Variants in ADAMTS19 observed in about 807,000 individuals in gnomAD.
The protein encoded by ADAMTS19 is A disintegrin and metalloproteinase with thrombospondin motifs 19.
ADAMTS19 carries 93 observed loss-of-function variants against 153.3 expected under a neutral mutation model. The ratio of observed to expected loss-of-function variants is 0.61; its 90% CI spans 0.51 to 0.72. ADAMTS19 has a LOEUF of 0.72. ADAMTS19 is among the 30% of genes least tolerant of loss of function. The pLI, the probability that ADAMTS19 is intolerant of heterozygous loss-of-function variation, is 0.00. For synonymous variants in ADAMTS19, 600 were observed against 556.6 expected, an observed-to-expected ratio of 1.08 and a Z score of -1.10; for missense variants, 1,482 against 1,552.1, an observed-to-expected ratio of 0.95 and a Z score of 0.76.
chr5:129,649,576 G>A (rs945437097), intron 13 of ADAMTS19, among the ~76,000 whole-genome samples: 17 of 152,240 alleles, frequency 1.1e-4, no homozygotes, highest in Middle Eastern at 3.4e-3. Flanking sequence ...GGTGGGGAGA[G>A]GGATGGGTAT....
chr5:129,541,131 T>C (rs944188220), intron 6 of ADAMTS19, among the ~76,000 whole-genome samples: 1 of 152,084 alleles, frequency 6.6e-6, no homozygotes, highest in Non-Finnish European at 1.5e-5. Context: ...TTTTCAATTT[T>C]AGTGAGAGGT....
intron 7 of ADAMTS19, among the ~76,000 whole-genome samples, chr5:129,567,318 A>G (rs1008085509): frequency 1.3e-5 from 2 of 152,188 alleles, no homozygotes; most frequent in Admixed American, 6.5e-5. Flanking sequence ...ATTCAAAATT[A>G]TTTTACATAT....
intron 21 of ADAMTS19, among the ~76,000 whole-genome samples, chr5:129,732,329 A>T (rs191620072): frequency 6.6e-4 from 101 of 152,238 alleles, no homozygotes; most frequent in African/African-American, 2.4e-3. Flanking sequence ...TGGCCAGAGC[A>T]ATCAGGCAAG....
intron 7 of ADAMTS19, among the ~76,000 whole-genome samples, chr5:129,576,796 T>C (rs908634581): frequency 6.6e-6 from 1 of 152,138 alleles, no homozygotes; most frequent in Non-Finnish European, 1.5e-5. Context: ...TGGCCAACCA[T>C]GCAGTTGGCG....
In ADAMTS19 at chr5:129,550,058, GTA is replaced by G. The variant is rs1374481141; in HGVS notation, c.1329-1804_1329-1803del. 1.1e-3 allele frequency among the ~76,000 whole-genome samples: 77 copies of G among 71,344 alleles called. 4 individuals are homozygous for G. The highest frequency in any genetic ancestry group is 3.7e-3 in the African/African-American group (74 of 19,746). The allele number at this position is 71,344 out of a possible 152,430, so 46.8% of individuals were successfully genotyped here. On this transcript the variant is annotated intron_variant, in intron 6 of 22. Transcript: ENST00000274487. The stretch of plus-strand genomic sequence containing the variant: ...TATACATATACATGTATCTGTATAT[GTA>G]TGTATCTAGATATACATATACATGT...
intron 2 of ADAMTS19, among the ~76,000 whole-genome samples, chr5:129,507,280 A>T (rs537519211): frequency 6.6e-6 from 1 of 152,210 alleles, no homozygotes; most frequent in South Asian, 2.1e-4. Flanking sequence ...ATAAGACAAG[A>T]ATAACATATT....
chr5:129,690,877 A>G (rs996898605), intron 18 of ADAMTS19, among the ~76,000 whole-genome samples: 1 of 152,148 alleles, frequency 6.6e-6, no homozygotes, highest in African/African-American at 2.4e-5. Flanking sequence ...CCACACACAT[A>G]GTCTCTGTCT....
chr5:129,623,265 G>A (rs1751867467), intron 10 of ADAMTS19, among the ~76,000 whole-genome samples: 1 of 152,154 alleles, frequency 6.6e-6, no homozygotes, highest in Non-Finnish European at 1.5e-5. Flanking sequence ...TCTAAAGGAT[G>A]AAGCAAAATG....
At chr5:129,669,754 G>T (rs1224874740) in intron 16 of ADAMTS19, among the ~76,000 whole-genome samples, 1 of 151,852 alleles carries the variant, frequency 6.6e-6, no homozygotes, top group Non-Finnish European at 1.5e-5. Context: ...TGTCCCATAA[G>T]GTATGGCTTT....
intron 6 of ADAMTS19, among the ~76,000 whole-genome samples, chr5:129,549,183 A>T (rs924211048): frequency 6.8e-6 from 1 of 148,140 alleles, no homozygotes; most frequent in Non-Finnish European, 1.5e-5. Flanking sequence ...TAATAATAAT[A>T]AAATAAATAA....
intron 3 of ADAMTS19, among the ~76,000 whole-genome samples, chr5:129,520,576 A>G (rs1281601615): frequency 2.6e-5 from 4 of 151,952 alleles, no homozygotes; most frequent in African/African-American, 9.7e-5. Context: ...ATTTGTTTCC[A>G]CTAATTATTA....
chr5:129,580,614 C>T (rs1749466392), intron 7 of ADAMTS19, among the ~76,000 whole-genome samples: 1 of 152,000 alleles, frequency 6.6e-6, no homozygotes, highest in Non-Finnish European at 1.5e-5. Context: ...TCCATCAATA[C>T]CTAGTTTATT....
Position 129,526,330 on chromosome 5 carries a change from G to A in ADAMTS19, c.960G>A (p.Gly320=). The A allele has an allele frequency of 6.3e-7, 1 of 1,597,612 alleles. No homozygotes were observed. The highest frequency in any genetic ancestry group is 8.5e-7 in the Non-Finnish European group (1 of 1,173,616). ...GAAAAATAGCAGAAAGTGGAAGAGG[G>A]AAACGATATTCATACAAATTACCTC... ...RSRKIAESGR[G]KRYSYKLPQE... The change falls in exon 4 of 23, where the codon GGG becomes GGA. Residue 320 remains glycine, a synonymous_variant. Coordinates refer to ENST00000274487, the MANE Select transcript of ADAMTS19 (RefSeq NM_133638.6).
At chr5:129,567,126 C>A (rs1449001721) in intron 7 of ADAMTS19, among the ~76,000 whole-genome samples, 3 of 151,970 alleles carry the variant, frequency 2.0e-5, no homozygotes, top group African/African-American at 4.8e-5. Flanking sequence ...GAGAACAGAG[C>A]TATTACAATA....
chr5:129,643,994 G>A (rs1476784130), intron 11 of ADAMTS19, among the ~76,000 whole-genome samples: 1 of 146,034 alleles, frequency 6.8e-6, no homozygotes, highest in East Asian at 2.0e-4. Flanking sequence ...TAGTTTTTTA[G>A]CAATATAAAA....
intron 7 of ADAMTS19, among the ~76,000 whole-genome samples, chr5:129,591,832 CT>C (rs2126909287): frequency 6.6e-6 from 1 of 152,164 alleles, no homozygotes; most frequent in African/African-American, 2.4e-5. Flanking sequence ...AGCCCAGAGA[CT>C]TAACTTTTGT....
At chr5:129,718,591 C>G (rs1361745887) in intron 21 of ADAMTS19, among the ~76,000 whole-genome samples, 2 of 152,164 alleles carry the variant, frequency 1.3e-5, no homozygotes, top group African/African-American at 4.8e-5. Flanking sequence ...AAAGATAGAA[C>G]TGCCAAACAT....
In ADAMTS19 at chr5:129,546,204, G is replaced by A. The variant is rs1752847999; in HGVS notation, c.1329-5660G>A. 2.0e-5 allele frequency among the ~76,000 whole-genome samples: 3 copies of A among 149,040 alleles called. No individual in the cohort carries two copies. In the South Asian group the frequency reaches 6.3e-4, roughly 31 times the overall value. ...TGAACAATGAGATCACATGGACACA[G>A]GAAGGGGAATATCACACTCTGGGGA... is the stretch of plus-strand genomic sequence containing the variant. On this transcript the variant is annotated intron_variant, in intron 6 of 22. Coordinates refer to ENST00000274487, the MANE Select transcript of ADAMTS19 (RefSeq NM_133638.6).
At chr5:129,473,327 T>G (rs1346432438) in intron 2 of ADAMTS19, among the ~76,000 whole-genome samples, 1 of 152,108 alleles carries the variant, frequency 6.6e-6, no homozygotes, top group Non-Finnish European at 1.5e-5. Flanking sequence ...TAGGTACATT[T>G]CCATTATAAG....
Sources: gnomAD v4.1 joint callset for allele counts (sites outside exome capture counted in the v4.1 genomes callset) on GRCh38, gnomAD v4.1.1 for gene constraint, MANE v1.5 for transcripts, NCBI Gene and HGNC (gene_info 2026-07-23, HGNC 2026-07-21) for gene names.